Variants in XRCC3 observed in about 807,000 individuals in gnomAD.
XRCC3 encodes DNA repair protein XRCC3.
XRCC3 carries 34 observed loss-of-function variants against 29.2 expected under a neutral mutation model. That is an observed-to-expected ratio of 1.16 (90% CI 0.88 to 1.55). The LOEUF is 1.55. Ranked by LOEUF, XRCC3 falls within the 40% of genes most tolerant of loss-of-function variation. XRCC3 has a pLI of 0.00. For missense variants in XRCC3, 463 were observed against 467.6 expected, an observed-to-expected ratio of 0.99 and a Z score of 0.09; for synonymous variants, 223 against 211.3, an observed-to-expected ratio of 1.06 and a Z score of -0.48.
At chr14:103,710,936 A>AGG in intron 4 of XRCC3, 97 bp downstream of exon 4, 1 of 1,270,296 alleles carries the variant, frequency 7.9e-7, no homozygotes, top group Non-Finnish European at 1.1e-6. Context: ...GGGTAGGCAA[A>AGG]GGAAGGAAGG....
intron 1 of XRCC3, among the ~76,000 whole-genome samples, chr14:103,714,466 G>GAA (rs551539800): frequency 0.019 from 1,896 of 97,828 alleles, 47 homozygotes; most frequent in African/African-American, 0.066. Flanking sequence ...ACTCTCTACC[G>GAA]AAAAAAAAAA....
rs777483755 is a variant in XRCC3 at position 103,703,184 on chromosome 14, C to T, written c.550G>A (p.Val184Met). 6.4e-6 allele frequency: 10 copies of T among 1,571,160 alleles called. No individual in the cohort carries two copies. The highest frequency in any genetic ancestry group is 1.7e-4 in the Middle Eastern group (1 of 6,054). The part of the protein sequence containing the change: ...RFGSQIFIEH[V>M]ADVDTLLECV... ...TCTCCCACACTCACCACATCGGCCACGTGCTCGATGAAGATCTGGCTGCCA... is the reference window on the plus strand; with the variant it reads ...TCTCCCACACTCACCACATCGGCCATGTGCTCGATGAAGATCTGGCTGCCA... Residue 184 changes from valine (V) to methionine (M), a missense_variant, in exon 7 of 10, where the codon GTG (valine) becomes ATG (methionine). Transcript: ENST00000555055.
At chr14:103,706,706 A>C in intron 6 of XRCC3, 1 of 464,380 alleles carries the variant, frequency 2.2e-6, no homozygotes, top group Admixed American at 3.4e-5. Context: ...GCTGTGCGGA[A>C]CGTGGGCCGG....
At chr14:103,700,491 G>T (rs1595638628) in intron 7 of XRCC3, 2 of 560,532 alleles carry the variant, frequency 3.6e-6, no homozygotes, top group East Asian at 6.5e-5. Context: ...GGCCCCACGG[G>T]CCTTGCCAGC....
chr14:103,711,642 C>T, intron 2 of XRCC3, 75 bp from the exon 3 acceptor site: 1 of 456,340 alleles, frequency 2.2e-6, no homozygotes, highest in South Asian at 1.5e-5. Flanking sequence ...CCCCAGCAGC[C>T]AACAGCAGAA....
At chr14:103,708,492 C>G (rs764010286) in intron 5 of XRCC3, 30 bp downstream of exon 5, 3 of 1,612,816 alleles carry the variant, frequency 1.9e-6, no homozygotes, top group Non-Finnish European at 2.5e-6. Context: ...CCACATGTCA[C>G]CCCTGGCAGA....
At chr14:103,704,007 G>A (rs187941821) in intron 6 of XRCC3, 26 of 155,774 alleles carry the variant, frequency 1.7e-4, no homozygotes, top group East Asian at 3.8e-4. Flanking sequence ...GAGAAAGAAC[G>A]TCCACCGTAG....
chr14:103,701,324 C>A, intron 7 of XRCC3: 1 of 1,043,980 alleles, frequency 9.6e-7, no homozygotes, highest in Non-Finnish European at 1.4e-6. Context: ...ATTTCTCCTG[C>A]GTCTGTGTGC....
intron 7 of XRCC3, 63 bp from the exon 8 acceptor site, chr14:103,699,639 C>G: frequency 6.5e-7 from 1 of 1,543,436 alleles, no homozygotes; most frequent in Non-Finnish European, 8.9e-7. Context: ...TGACCAGACC[C>G]CGTTTGGACT....
intron 7 of XRCC3, chr14:103,702,394 A>C (rs765568108): frequency 1.3e-5 from 2 of 152,342 alleles, no homozygotes; most frequent in Non-Finnish European, 2.9e-5. Context: ...GGGGAAACCA[A>C]CACAGCTATC....
At position 103,708,511 on chromosome 14, in the gene XRCC3, G is replaced by A. The variant is rs750342069; in HGVS notation, c.193+11C>T. 2 of 1,613,492 alleles carry A rather than the reference G, an allele frequency of 1.2e-6. No homozygotes were observed. Among genetic ancestry groups the A allele is most frequent in the East Asian group, 2.2e-5 (1 of 44,872 alleles). ...ATGTCACCCCTGGCAGAGATGCCAG[G>A]GCCCACCTACCTGTAAGGATGCTGC... On this transcript the variant is annotated intron_variant, in intron 5 of 9. Coordinates refer to ENST00000555055, the MANE Select transcript of XRCC3 (RefSeq NM_005432.4).
At chr14:103,704,696 G>C (rs1222683182) in intron 6 of XRCC3, 1 of 152,248 alleles carries the variant, frequency 6.6e-6, no homozygotes. Context: ...ACAGGCATGA[G>C]GTACTGCGCC....
At chr14:103,707,572 G>A in intron 5 of XRCC3, 7 of 410,368 alleles carry the variant, frequency 1.7e-5, no homozygotes, top group South Asian at 1.5e-4. Flanking sequence ...GTCCAGCTGG[G>A]ATGCCCTGGG....
intron 6 of XRCC3, chr14:103,704,633 CCT>C (rs1329471375): frequency 6.6e-6 from 1 of 152,098 alleles, no homozygotes; most frequent in Non-Finnish European, 1.5e-5. Flanking sequence ...CTCTCGAACT[CCT>C]GACTTCATGA....
Position 103,707,752 on chromosome 14 carries a change from C to G in XRCC3, c.194-537G>C, listed in dbSNP as rs2368557. The G allele has an allele frequency of 5.4e-5, 11 of 202,502 alleles. No individual in the cohort carries two copies. In the East Asian group the frequency reaches 1.4e-3, roughly 25 times the overall value. The allele number at this position is 202,502 out of a possible 1,614,324, so 12.5% of individuals were successfully genotyped here. A position where few individuals can be genotyped will look rare whatever the true frequency, so the allele number is the denominator to read the frequency against. Reference sequence around the variant, plus strand: ...TTTGACACAGCCTCCTCCACGACACCGAAGCCCCTCAGGGCAAGGCTCAAG... The same window carrying G: ...TTTGACACAGCCTCCTCCACGACACGGAAGCCCCTCAGGGCAAGGCTCAAG... On this transcript the variant is annotated intron_variant, in intron 5 of 9. Coordinates refer to ENST00000555055, the MANE Select transcript of XRCC3 (RefSeq NM_005432.4).
intron 6 of XRCC3, chr14:103,703,729 G>A (rs547987102): frequency 3.4e-6 from 1 of 295,896 alleles, no homozygotes; most frequent in African/African-American, 2.2e-5. Context: ...AATGGCCCCT[G>A]AGCCCCGACA....
rs865930600 is a variant in XRCC3, at chr14:103,701,260, G to A, written c.562-1684C>T. On this transcript the variant is annotated intron_variant, in intron 7 of 9. Coordinates refer to ENST00000555055, the MANE Select transcript of XRCC3 (RefSeq NM_005432.4). ...GCCGAGTGTGGCCCGGAGCTGGCCC[G>A]GGACAGCCAGGGCGGCAGGGAGGGC... 7.6e-5 allele frequency: 117 copies of A among 1,533,940 alleles called. No individual in the cohort carries two copies. In the Middle Eastern group the frequency reaches 1.0e-3, roughly 13 times the overall value.
At chr14:103,710,936 A>G (rs2083605598) in intron 4 of XRCC3, 97 bp downstream of exon 4, 1 of 1,270,296 alleles carries the variant, frequency 7.9e-7, no homozygotes, top group Non-Finnish European at 1.1e-6. Context: ...GGGTAGGCAA[A>G]GGAAGGAAGG....
At position 103,698,626 on chromosome 14, in the gene XRCC3, G is replaced by T. The variant is rs933918150; in HGVS notation, c.*172C>A. Reference sequence around the variant, plus strand: ...CAGAACATCCCCCCAGCTCAGATGGGGGTCAGTCTGTGGCCACCATCTTCG... The same window carrying T: ...CAGAACATCCCCCCAGCTCAGATGGTGGTCAGTCTGTGGCCACCATCTTCG... On this transcript the variant is annotated 3_prime_UTR_variant, in exon 10 of 10. Transcript: ENST00000555055. 6.0e-6 allele frequency: 4 copies of T among 664,878 alleles called. No individual in the cohort carries two copies. The highest frequency in any genetic ancestry group is 7.9e-6 in the Non-Finnish European group (3 of 378,554). 41.2% of individuals were successfully genotyped at this position (664,878 alleles called of 1,614,324 possible).
Sources: gnomAD v4.1 joint callset for allele counts (sites outside exome capture counted in the v4.1 genomes callset) on GRCh38, gnomAD v4.1.1 for gene constraint, MANE v1.5 for transcripts, NCBI Gene and HGNC (gene_info 2026-07-23, HGNC 2026-07-21) for gene names.